The following CSMD1 variants were observed in gnomAD, a reference collection of about 807,000 sequenced individuals.
The protein encoded by CSMD1 is CUB and sushi domain-containing protein 1.
In CSMD1, 213 loss-of-function variants were observed where a neutral mutation model predicts 417.5. The observed-to-expected ratio is 0.51, with a 90% CI of 0.46 to 0.57. The LOEUF is 0.57. CSMD1 is among the 20% of genes least tolerant of loss of function. CSMD1 has a pLI of 0.00. For missense variants in CSMD1, 6,923 were observed against 4,529.7 expected (o/e 1.53, Z -15.17); for synonymous variants, 2,862 against 1,736.8 (o/e 1.65, Z -16.11).
intron 2 of CSMD1, among the ~76,000 whole-genome samples, chr8:4,445,555 T>C (rs1456275728): frequency 1.3e-5 from 2 of 152,208 alleles, no homozygotes; most frequent in East Asian, 1.9e-4. Context: ...GTGATAAAAA[T>C]GGCTTCAATG....
rs564931688 is a variant in CSMD1, at chr8:3,954,081, G to A, written c.818+43822C>T. ...GTCCCCGGGACCCCGCCTCTAGGAA[G>A]CTCGTGCAGGGGCCTAGGAACGTGG... On this transcript the variant is annotated intron_variant, in intron 5 of 69. Transcript: ENST00000635120. Among the ~76,000 whole-genome samples the A allele has an allele frequency of 9.2e-5, 14 of 152,298 alleles. No homozygotes were observed. The South Asian group carries it at 1.9e-3, about 20-fold the overall frequency.
chr8:3,467,131 G>C (rs933659920), intron 12 of CSMD1, among the ~76,000 whole-genome samples: 1 of 152,144 alleles, frequency 6.6e-6, no homozygotes, highest in South Asian at 2.1e-4. Flanking sequence ...AATTAATGTG[G>C]TGTGGTCATT....
intron 1 of CSMD1, among the ~76,000 whole-genome samples, chr8:4,650,619 A>C (rs1201693526): frequency 1.3e-5 from 2 of 151,986 alleles, no homozygotes; most frequent in Admixed American, 6.6e-5. Context: ...TTTTGGCAAA[A>C]AGGAAGTGAC....
At chr8:3,351,536 A>T (rs1318783852) in intron 21 of CSMD1, among the ~76,000 whole-genome samples, 10 of 151,014 alleles carry the variant, frequency 6.6e-5, no homozygotes, top group Admixed American at 6.0e-4. Context: ...AGCAGAAGTT[A>T]CAGTGAGCCG....
chr8:3,811,685 G>T (rs570130287), intron 5 of CSMD1, among the ~76,000 whole-genome samples: 1 of 152,054 alleles, frequency 6.6e-6, no homozygotes, highest in African/African-American at 2.4e-5. Flanking sequence ...TTCAATACTA[G>T]ATGGATGTTT....
chr8:4,293,984 C>T (rs964559923), intron 3 of CSMD1, among the ~76,000 whole-genome samples: 1 of 151,780 alleles, frequency 6.6e-6, no homozygotes, highest in African/African-American at 2.4e-5. Flanking sequence ...TTTGAACTTA[C>T]CAAATAGTGT....
At chr8:4,923,855 C>A (rs1279523644) in intron 1 of CSMD1, among the ~76,000 whole-genome samples, 1 of 152,150 alleles carries the variant, frequency 6.6e-6, no homozygotes, top group Non-Finnish European at 1.5e-5. Flanking sequence ...GAAGAAGTAA[C>A]TGGCCCACAA....
chr8:3,634,509 C>T (rs1172342212), intron 7 of CSMD1, among the ~76,000 whole-genome samples: 1 of 152,162 alleles, frequency 6.6e-6, no homozygotes, highest in South Asian at 2.1e-4. Flanking sequence ...CCTGCTGTCT[C>T]CCGGACTCTG....
At chr8:4,451,446 T>A (rs565220336) in intron 2 of CSMD1, among the ~76,000 whole-genome samples, 1 of 152,282 alleles carries the variant, frequency 6.6e-6, no homozygotes, top group East Asian at 1.9e-4. Flanking sequence ...CAGAAAAGCT[T>A]ATCACTCTCA....
chr8:3,125,482 GA>G (rs922951120), intron 41 of CSMD1, among the ~76,000 whole-genome samples: 44 of 151,918 alleles, frequency 2.9e-4, no homozygotes, highest in Non-Finnish European at 5.9e-4. Flanking sequence ...GAGAGAAAAA[GA>G]AAAAAAGATC....
chr8:4,774,779 C>G (rs1216151797), intron 1 of CSMD1, among the ~76,000 whole-genome samples: 1 of 152,060 alleles, frequency 6.6e-6, no homozygotes, highest in Non-Finnish European at 1.5e-5. Flanking sequence ...TGTTTAAAAG[C>G]CTGTAGCACC....
intron 3 of CSMD1, among the ~76,000 whole-genome samples, chr8:4,256,530 G>A (rs1384127169): frequency 6.6e-6 from 1 of 152,142 alleles, no homozygotes; most frequent in African/African-American, 2.4e-5. Flanking sequence ...TATAAACATG[G>A]CAATCAAATG....
rs890403656 is a variant in CSMD1, at chr8:3,933,251, G to A, written c.818+64652C>T. 3.9e-5 allele frequency among the ~76,000 whole-genome samples: 6 copies of A among 152,128 alleles called. No homozygotes were observed. The East Asian group carries it at 9.6e-4, about 24-fold the overall frequency. On this transcript the variant is annotated intron_variant, in intron 5 of 69. Transcript: ENST00000635120. ...GGAGAAGAAACAAGATTTAGAGTACGTGTTAAATTGACTAATCTAAAATAT... is the reference window on the plus strand; with the variant it reads ...GGAGAAGAAACAAGATTTAGAGTACATGTTAAATTGACTAATCTAAAATAT...
intron 1 of CSMD1, among the ~76,000 whole-genome samples, chr8:4,751,669 AT>A (rs1449345770): frequency 6.6e-6 from 1 of 152,106 alleles, no homozygotes; most frequent in Non-Finnish European, 1.5e-5. Context: ...TTATTTTAAC[AT>A]TTTTAATGGT....
chr8:4,143,225 A>C (rs1041320790), intron 3 of CSMD1, among the ~76,000 whole-genome samples: 1 of 151,206 alleles, frequency 6.6e-6, no homozygotes, highest in Non-Finnish European at 1.5e-5. Flanking sequence ...GGTGTGGTCT[A>C]AACCCTCTTA....
intron 7 of CSMD1, among the ~76,000 whole-genome samples, chr8:3,649,870 G>A (rs2449203): frequency 0.43 from 65,138 of 151,970 alleles, 14,159 homozygotes; most frequent in Middle Eastern, 0.47. Context: ...TTTAACCTAT[G>A]TACACATTTT....
At chr8:4,759,715 C>A (rs1162387369) in intron 1 of CSMD1, among the ~76,000 whole-genome samples, 1 of 152,122 alleles carries the variant, frequency 6.6e-6, no homozygotes. Context: ...GCTTCCAGCT[C>A]TATCCATGTT....
intron 3 of CSMD1, among the ~76,000 whole-genome samples, chr8:4,405,677 G>T (rs566487789): frequency 1.6e-4 from 24 of 152,214 alleles, no homozygotes; most frequent in Non-Finnish European, 2.8e-4. Flanking sequence ...ATCACTCATC[G>T]CTAAGCTCCA....
At position 3,031,757 on chromosome 8, in the gene CSMD1, A is replaced by G. The variant is rs565829573; in HGVS notation, c.7661-2244T>C. ...ACAATTTTTTGAGCTGATACCATCT[A>G]CAGTATCAATTTCCAAGTTCTTCAT... On this transcript the variant is annotated intron_variant, in intron 50 of 69. Coordinates refer to ENST00000635120, the MANE Select transcript of CSMD1 (RefSeq NM_033225.6). Among the ~76,000 whole-genome samples the G allele has an allele frequency of 2.0e-5, 3 of 152,096 alleles. No homozygotes were observed. In the East Asian group the frequency reaches 5.8e-4, roughly 29 times the overall value.
Sources: allele counts gnomAD v4.1 joint callset (sites outside exome capture counted in the v4.1 genomes callset), GRCh38; gene constraint gnomAD v4.1.1; transcripts MANE v1.5; gene names NCBI Gene and HGNC (gene_info 2026-07-23, HGNC 2026-07-21).